INPP5A: variants seen among roughly 807,000 people sequenced by gnomAD.
INPP5A encodes the protein 43 kDa inositol polyphosphate 5-phophatase.
A neutral mutation model predicts 65.2 loss-of-function variants in INPP5A; 14 were observed. That is an observed-to-expected ratio of 0.21 (90% CI 0.14 to 0.34). The LOEUF (loss-of-function observed/expected upper bound fraction) is 0.34, where lower values mean the gene tolerates loss of function less well. INPP5A is among the 10% of genes least tolerant of loss of function. The pLI, the probability that INPP5A is intolerant of heterozygous loss-of-function variation, is 1.00. For synonymous variants in INPP5A, 207 were observed against 208.3 expected (o/e 0.99, Z 0.05); for missense variants, 431 against 545.6 (o/e 0.79, Z 2.09).
At chr10:132,725,223 T>G (rs1398527620) in intron 8 of INPP5A, among the ~76,000 whole-genome samples, 1 of 152,226 alleles carries the variant, frequency 6.6e-6, no homozygotes, top group Non-Finnish European at 1.5e-5. Flanking sequence ...AAGATGGAAA[T>G]GAACTCCTAC....
chr10:132,577,833 C>G (rs927380799), intron 1 of INPP5A, among the ~76,000 whole-genome samples: 4 of 152,310 alleles, frequency 2.6e-5, no homozygotes, highest in South Asian at 2.1e-4. Context: ...GCGCTGCTCT[C>G]GGTTCCAGCC....
intron 11 of INPP5A, among the ~76,000 whole-genome samples, chr10:132,757,005 A>G (rs1170758225): frequency 6.6e-6 from 1 of 152,284 alleles, no homozygotes; most frequent in Non-Finnish European, 1.5e-5. Context: ...AGAATATATA[A>G]ACAATATTTT....
In INPP5A at chr10:132,547,856, G is replaced by A. The variant is rs970332889; in HGVS notation, c.75+9685G>A. Among the ~76,000 whole-genome samples, 2 of 151,932 alleles carry A rather than the reference G, an allele frequency of 1.3e-5. No homozygotes were observed. Among genetic ancestry groups the A allele is most frequent in the Non-Finnish European group, 1.5e-5 (1 of 67,964 alleles). Reference sequence around the variant, plus strand: ...CGTGACTGTGGCGTCACACTCAGGTGTGCTGGCCTTTGGCAGCAGCGTCTG... The same window carrying A: ...CGTGACTGTGGCGTCACACTCAGGTATGCTGGCCTTTGGCAGCAGCGTCTG... On this transcript the variant is annotated intron_variant, in intron 1 of 15. Transcript: ENST00000368594. The surrounding 1 kb of genome is among the most constrained non-coding windows in gnomAD (Gnocchi z 5.5).
chr10:132,698,619 G>A lies in INPP5A; in HGVS notation c.474+700G>A, dbSNP rs999751479. 5.3e-5 allele frequency among the ~76,000 whole-genome samples: 8 copies of A among 152,222 alleles called. No individual in the cohort carries two copies. The highest frequency in any genetic ancestry group is 1.3e-4 in the Admixed American group (2 of 15,284). ...TGTGTAGTTAACCTGTCGAGGCAGC[G>A]TTTGCTGCTTTGCCCTTCCTCATCT... On this transcript the variant is annotated intron_variant, in intron 6 of 15. Coordinates refer to ENST00000368594, the MANE Select transcript of INPP5A (RefSeq NM_005539.5). The surrounding 1 kb of genome is among the most constrained non-coding windows in gnomAD (Gnocchi z 5.5).
chr10:132,542,572 A>C (rs960097920), intron 1 of INPP5A, among the ~76,000 whole-genome samples: 1 of 152,198 alleles, frequency 6.6e-6, no homozygotes, highest in Admixed American at 6.5e-5. Flanking sequence ...CTACCGTGGC[A>C]GCCCTCGAGT....
intron 7 of INPP5A, among the ~76,000 whole-genome samples, chr10:132,708,919 C>T (rs1022980543): frequency 2.0e-5 from 3 of 152,194 alleles, no homozygotes; most frequent in African/African-American, 4.8e-5. Flanking sequence ...GGCTCCCCAA[C>T]GTGTCCCTCC....
rs531974446 is a variant in INPP5A at position 132,675,615 on chromosome 10, G to A, written c.307-14777G>A. Among the ~76,000 whole-genome samples the A allele has an allele frequency of 6.6e-5, 10 of 152,328 alleles. No homozygotes were observed. The highest frequency in any genetic ancestry group is 6.2e-4 in the South Asian group (3 of 4,822). ...GAGTGAGGGTAACGGACATTCCCACGGGGATATTCCCACGCGGAGAACTGG... is the reference window on the plus strand; with the variant it reads ...GAGTGAGGGTAACGGACATTCCCACAGGGATATTCCCACGCGGAGAACTGG... On this transcript the variant is annotated intron_variant, in intron 4 of 15. Transcript: ENST00000368594. This position sits in a 1 kb window ranked among gnomAD's most constrained non-coding sequence, Gnocchi z 4.2.
intron 4 of INPP5A, among the ~76,000 whole-genome samples, chr10:132,666,508 A>G (rs1251979430): frequency 6.6e-6 from 1 of 152,196 alleles, no homozygotes; most frequent in East Asian, 1.9e-4. Flanking sequence ...ACAGCCACAA[A>G]AAAACCCCTG....
At chr10:132,763,887 CTG>C (rs1846783082) in intron 11 of INPP5A, among the ~76,000 whole-genome samples, 1 of 152,280 alleles carries the variant, frequency 6.6e-6, no homozygotes, top group Non-Finnish European at 1.5e-5. Flanking sequence ...AAACACATGC[CTG>C]TGTACACATA....
intron 5 of INPP5A, among the ~76,000 whole-genome samples, chr10:132,691,555 A>G (rs541543142): frequency 2.4e-4 from 37 of 152,350 alleles, no homozygotes; most frequent in Non-Finnish European, 1.2e-4. Context: ...GTTTTTCAGT[A>G]GCCATTTGAA....
chr10:132,677,599 A>G (rs899519173), intron 4 of INPP5A, among the ~76,000 whole-genome samples: 10 of 152,206 alleles, frequency 6.6e-5, no homozygotes, highest in Non-Finnish European at 1.2e-4. Context: ...AGCCTGCCGC[A>G]GGCTGTTTTA....
chr10:132,653,008 G>A (rs776583761), intron 4 of INPP5A, among the ~76,000 whole-genome samples: 10 of 152,226 alleles, frequency 6.6e-5, no homozygotes, highest in African/African-American at 9.6e-5. Flanking sequence ...GGGCGGAGGG[G>A]CAGTGCCCGC....
At chr10:132,745,679 T>A (rs527581243) in intron 9 of INPP5A, among the ~76,000 whole-genome samples, 1 of 126,284 alleles carries the variant, frequency 7.9e-6, no homozygotes, top group East Asian at 2.4e-4. Flanking sequence ...CATGGTGGGC[T>A]TCAGGCATGG....
In INPP5A at chr10:132,697,921, T is replaced by C; in HGVS notation, c.474+2T>C. ...TTTCCGCAGGACTACTTCCCCGAGG[T>C]ACGTAGCGAGGCTTTCTCACTGACG... On this transcript the variant is annotated splice_donor_variant, in intron 6 of 15. Transcript: ENST00000368594. LOFTEE classifies it high-confidence loss of function. This position sits in a 1 kb window ranked among gnomAD's most constrained non-coding sequence, Gnocchi z 5.6. The C allele has an allele frequency of 6.3e-7, 1 of 1,595,932 alleles. No individual in the cohort carries two copies. Among genetic ancestry groups the C allele is most frequent in the Non-Finnish European group, 8.6e-7 (1 of 1,163,978 alleles).
chr10:132,774,412 C>T (rs1272485094), intron 12 of INPP5A, among the ~76,000 whole-genome samples: 1 of 151,998 alleles, frequency 6.6e-6, no homozygotes, highest in Non-Finnish European at 1.5e-5. Flanking sequence ...GGGCTTTCAC[C>T]CTGACGCCCA....
At position 132,571,325 on chromosome 10, in the gene INPP5A, A is replaced by ACTGCTGGGACCTGCCTACCCTCT. The variant is rs1346494992; in HGVS notation, c.75+33162_75+33184dup. On this transcript the variant is annotated intron_variant, in intron 1 of 15. Coordinates refer to ENST00000368594, the MANE Select transcript of INPP5A (RefSeq NM_005539.5). ...CAAGGACACACCCATCCCTCATCACACTGCTGGGACCTGCCTACCCTCTCT... is the reference window on the plus strand; with the variant it reads ...CAAGGACACACCCATCCCTCATCACACTGCTGGGACCTGCCTACCCTCTCTGCTGGGACCTGCCTACCCTCTCT... Among the ~76,000 whole-genome samples, 10 of 152,204 alleles carry ACTGCTGGGACCTGCCTACCCTCT rather than the reference A, an allele frequency of 6.6e-5. No individual in the cohort carries two copies. The East Asian group carries it at 1.9e-3, about 29-fold the overall frequency.
chr10:132,553,999 T>C lies in INPP5A; in HGVS notation c.75+15828T>C, dbSNP rs60397540. 2.8e-3 allele frequency among the ~76,000 whole-genome samples: 419 copies of C among 150,484 alleles called. 2 individuals carry two copies. The highest frequency in any genetic ancestry group is 9.8e-3 in the African/African-American group (398 of 40,764). Reference sequence around the variant, plus strand: ...AGCCTTGGTGGAATATTGAGTGGGATAGGGAGAGAGGATTGGTGAACGCCT... The same window carrying C: ...AGCCTTGGTGGAATATTGAGTGGGACAGGGAGAGAGGATTGGTGAACGCCT... On this transcript the variant is annotated intron_variant, in intron 1 of 15. Coordinates refer to ENST00000368594, the MANE Select transcript of INPP5A (RefSeq NM_005539.5).
intron 1 of INPP5A, among the ~76,000 whole-genome samples, chr10:132,596,421 C>T (rs577217689): frequency 6.6e-6 from 1 of 150,450 alleles, no homozygotes; most frequent in Admixed American, 6.6e-5. Flanking sequence ...CGTGTGTGTG[C>T]ATGTTTTGTT....
rs1162111827 is a variant in INPP5A, at chr10:132,587,957, A to T, written c.76-19958A>T. Among the ~76,000 whole-genome samples the T allele has an allele frequency of 6.7e-6, 1 of 149,428 alleles. No individual in the cohort carries two copies. The highest frequency in any genetic ancestry group is 2.5e-5 in the African/African-American group (1 of 40,688). ...AATCCGGGAGGCGGAGGTTGCAGTG[A>T]GCCAAGATGGCGCCATTGCCCTCCA... is the stretch of plus-strand genomic sequence containing the variant. On this transcript the variant is annotated intron_variant, in intron 1 of 15. Coordinates refer to ENST00000368594, the MANE Select transcript of INPP5A (RefSeq NM_005539.5). This position sits in a 1 kb window ranked among gnomAD's most constrained non-coding sequence, Gnocchi z 4.3.
Sources: allele counts gnomAD v4.1 joint callset (sites outside exome capture counted in the v4.1 genomes callset), GRCh38; gene constraint gnomAD v4.1.1; non-coding constraint Gnocchi (gnomAD v3.1); transcripts MANE v1.5; gene names NCBI Gene and HGNC (gene_info 2026-07-23, HGNC 2026-07-21).